FGF14: variants seen among roughly 807,000 people sequenced by gnomAD.
FGF14 encodes the protein fibroblast growth factor homologous factor 4.
In FGF14, 5 loss-of-function variants were observed where a neutral mutation model predicts 25.5. That is an observed-to-expected ratio of 0.20 (90% CI 0.10 to 0.41). The LOEUF is 0.41. Ranked by LOEUF, FGF14 falls within the 10% of genes least tolerant of loss-of-function variation. The pLI, the probability that FGF14 is intolerant of heterozygous loss-of-function variation, is 1.00. For synonymous variants in FGF14, 138 were observed against 118.3 expected (o/e 1.17, Z -1.08); for missense variants, 222 against 320.1 (o/e 0.69, Z 2.34).
rs753341512 is a variant in FGF14 at position 101,826,386 on chromosome 13, A to G, written c.408+42339T>C. Among the ~76,000 whole-genome samples the G allele has an allele frequency of 8.5e-5, 13 of 152,232 alleles. No individual in the cohort carries two copies. In the East Asian group the frequency reaches 9.6e-4, roughly 11 times the overall value. On this transcript the variant is annotated intron_variant, in intron 3 of 4. Coordinates refer to ENST00000376143, the MANE Select transcript of FGF14 (RefSeq NM_004115.4). ...CCTATCACTAAATACCCACATTGAC[A>G]TTAATCAAATTTTGAGTAGACCGAT...
intron 1 of FGF14, among the ~76,000 whole-genome samples, chr13:101,930,055 C>T (rs931768278): frequency 6.6e-6 from 1 of 152,184 alleles, no homozygotes; most frequent in Non-Finnish European, 1.5e-5. Flanking sequence ...TCCCATTACT[C>T]GTTTTAACGT....
intron 1 of FGF14, among the ~76,000 whole-genome samples, chr13:102,093,417 G>A (rs1247514018): frequency 1.3e-5 from 2 of 152,108 alleles, no homozygotes; most frequent in African/African-American, 2.4e-5. Flanking sequence ...AAAATTAACT[G>A]TAGCACATAC....
chr13:102,368,036 A>C, intron 1 of FGF14: 1 of 152,156 alleles, frequency 6.6e-6, no homozygotes, highest in Non-Finnish European at 1.5e-5. Flanking sequence ...TCGTGGTGCT[A>C]ATTCCCTTCC....
intron 3 of FGF14, among the ~76,000 whole-genome samples, chr13:101,855,724 C>T (rs532397745): frequency 5.9e-5 from 9 of 151,968 alleles, no homozygotes; most frequent in Middle Eastern, 3.4e-3. Context: ...GACCATGAAG[C>T]ATAAAGTAAA....
chr13:102,085,467 G>T (rs1475757347), intron 1 of FGF14, among the ~76,000 whole-genome samples: 2 of 152,060 alleles, frequency 1.3e-5, no homozygotes, highest in East Asian at 3.9e-4. Context: ...TATTGTCCCT[G>T]TTATAAACAA....
At chr13:101,805,637 G>A (rs1299172202) in intron 3 of FGF14, among the ~76,000 whole-genome samples, 2 of 152,066 alleles carry the variant, frequency 1.3e-5, no homozygotes, top group African/African-American at 4.8e-5. Flanking sequence ...TCTGAAATAT[G>A]GCTATATAAT....
intron 1 of FGF14, among the ~76,000 whole-genome samples, chr13:102,275,244 C>CTCTCTCTCTCTCTT (rs1315443953): frequency 1.7e-4 from 17 of 97,514 alleles, no homozygotes; most frequent in African/African-American, 7.7e-4. Flanking sequence ...TTCTCTCTCT[C>CTCTCTCTCTCTCTT]TCTCTCTCTC....
In FGF14 at chr13:101,943,369, A is replaced by C. The variant is rs1389436568; in HGVS notation, c.209-68073T>G. The stretch of plus-strand genomic sequence containing the variant: ...CATGGATATAAACCAGTGGTTCTCA[A>C]CTCCAAGTGATTGCCACCCCCAGGG... On this transcript the variant is annotated intron_variant, in intron 1 of 4. Coordinates refer to the FGF14 transcript ENST00000376131. Among the ~76,000 whole-genome samples the C allele has an allele frequency of 3.3e-5, 5 of 152,064 alleles. No homozygotes were observed. The East Asian group carries it at 9.7e-4, about 29-fold the overall frequency.
chr13:102,394,529 A>C (rs1003799708), intron 1 of FGF14: 2 of 152,440 alleles, frequency 1.3e-5, no homozygotes, highest in Non-Finnish European at 2.9e-5. Flanking sequence ...CAACAGCACA[A>C]GCTGCCGGGT....
chr13:101,973,358 T>G (rs543563268), intron 1 of FGF14, among the ~76,000 whole-genome samples: 1 of 152,194 alleles, frequency 6.6e-6, no homozygotes, highest in African/African-American at 2.4e-5. Context: ...TATGAAATAA[T>G]GCAGGTTGGC....
chr13:102,336,606 G>A (rs917094327), intron 1 of FGF14, among the ~76,000 whole-genome samples: 1 of 152,194 alleles, frequency 6.6e-6, no homozygotes, highest in African/African-American at 2.4e-5. Flanking sequence ...CTAAACAACA[G>A]ATTTTTAATG....
chr13:102,321,089 G>T (rs1251565090), intron 1 of FGF14, among the ~76,000 whole-genome samples: 4 of 152,090 alleles, frequency 2.6e-5, no homozygotes, highest in Non-Finnish European at 5.9e-5. Context: ...AGAAGTAAGG[G>T]CACCAATTTG....
At chr13:102,288,708 C>T (rs2141250894) in intron 1 of FGF14, among the ~76,000 whole-genome samples, 1 of 152,212 alleles carries the variant, frequency 6.6e-6, no homozygotes, top group South Asian at 2.1e-4. Context: ...CCTCAGCCTC[C>T]CAAGTAGCTG....
At chr13:102,338,920 A>C (rs1418045629) in intron 1 of FGF14, among the ~76,000 whole-genome samples, 5 of 151,830 alleles carry the variant, frequency 3.3e-5, no homozygotes, top group African/African-American at 1.2e-4. Context: ...CTGAGGCAGC[A>C]GAATCCCTTG....
intron 1 of FGF14, among the ~76,000 whole-genome samples, chr13:102,325,619 C>A (rs1225308311): frequency 6.6e-6 from 1 of 152,176 alleles, no homozygotes. Context: ...ACTGTCCTTA[C>A]AATTTAAAAT....
intron 1 of FGF14, chr13:102,299,883 A>G (rs1275520765): frequency 1.3e-5 from 2 of 152,206 alleles, no homozygotes; most frequent in African/African-American, 4.8e-5. Flanking sequence ...AAAAACAAAT[A>G]TGAGAGAAAA....
intron 1 of FGF14, among the ~76,000 whole-genome samples, chr13:102,207,624 T>TAAAAA (rs35568335): frequency 3.7e-4 from 34 of 92,432 alleles, no homozygotes; most frequent in East Asian, 6.5e-4. Context: ...CAGTTTTCAT[T>TAAAAA]AAAAAAAAAA....
At chr13:101,954,718 G>GTA (rs1260919423) in intron 1 of FGF14, among the ~76,000 whole-genome samples, 11 of 151,860 alleles carry the variant, frequency 7.2e-5, no homozygotes. Flanking sequence ...GTGTGTGTGT[G>GTA]TGTGCTTGTG....
At chr13:102,394,408 C>T (rs1435143188) in intron 1 of FGF14, 1 of 152,480 alleles carries the variant, frequency 6.6e-6, no homozygotes, top group Non-Finnish European at 1.5e-5. Context: ...GCCCGGTCCC[C>T]GGCCACCACG....
Sources: gnomAD v4.1 joint callset for allele counts (sites outside exome capture counted in the v4.1 genomes callset) on GRCh38, gnomAD v4.1.1 for gene constraint, MANE v1.5 for transcripts, NCBI Gene and HGNC (gene_info 2026-07-23, HGNC 2026-07-21) for gene names.